Variants in HTN1 observed in about 807,000 individuals in gnomAD.
The protein encoded by HTN1 is histatin-1.
Under a neutral mutation model 11.2 loss-of-function variants are expected in HTN1, and 18 were observed. That is an observed-to-expected ratio of 1.61 (90% CI 1.12 to 2.39). The LOEUF (loss-of-function observed/expected upper bound fraction) is 2.39, where lower values mean the gene tolerates loss of function less well. HTN1 is among the 30% of genes most tolerant of loss of function. HTN1 has a pLI of 0.00. For missense variants in HTN1, 80 were observed against 67.2 expected (o/e 1.19, Z -0.67); for synonymous variants, 21 against 20.5 (o/e 1.02, Z -0.07).
chr4:70,051,446 C>A (rs1725890812), intron 1 of HTN1, among the ~76,000 whole-genome samples: 1 of 152,010 alleles, frequency 6.6e-6, no homozygotes, highest in African/African-American at 2.4e-5. Flanking sequence ...TTTTTCATAA[C>A]CATTAATTGT....
intron 3 of HTN1, 38 bp downstream of exon 3, chr4:70,054,380 A>G (rs1725981185): frequency 6.5e-7 from 1 of 1,534,966 alleles, no homozygotes; most frequent in Admixed American, 1.8e-5. Flanking sequence ...TTGATAAATA[A>G]ACATATATTG....
intron 5 of HTN1, chr4:70,056,120 G>A (rs1726034424): frequency 6.6e-6 from 1 of 152,038 alleles, no homozygotes; most frequent in Admixed American, 6.6e-5. Context: ...TTATTTCCTT[G>A]AGCAGTGGTT....
In HTN1 at chr4:70,054,346, A is replaced by T; in HGVS notation, c.72+4A>T. 6.5e-7 allele frequency: 1 copy of T among 1,533,538 alleles called. No individual in the cohort carries two copies. Among genetic ancestry groups the T allele is most frequent in the Non-Finnish European group, 8.9e-7 (1 of 1,125,972 alleles). The allele number at this position is 1,533,538 out of a possible 1,614,324, so 95.0% of individuals were successfully genotyped here. A position where few individuals can be genotyped will look rare whatever the true frequency, so the allele number is the denominator to read the frequency against. The stretch of plus-strand genomic sequence containing the variant: ...GAGCGCTGATTCACATGAAAAGGTA[A>T]GACATTTTCATTTACGGGAAAACTT... On this transcript the variant is annotated splice_donor_region_variant and intron_variant, in intron 3 of 5. Transcript: ENST00000246896.
At chr4:70,053,376 C>T (rs1270978378) in intron 2 of HTN1, among the ~76,000 whole-genome samples, 3 of 152,012 alleles carry the variant, frequency 2.0e-5, no homozygotes, top group Admixed American at 6.6e-5. Context: ...GAAAATTTAG[C>T]GAGCTTTTTA....
At chr4:70,053,634 G>T (rs1018581975) in intron 2 of HTN1, among the ~76,000 whole-genome samples, 2 of 152,188 alleles carry the variant, frequency 1.3e-5, no homozygotes, top group Middle Eastern at 3.4e-3. Flanking sequence ...TATTTATTAA[G>T]TGTCATGAGT....
At chr4:70,050,731 A>C (rs757218835) in intron 1 of HTN1, among the ~76,000 whole-genome samples, 1 of 152,178 alleles carries the variant, frequency 6.6e-6, no homozygotes, top group Non-Finnish European at 1.5e-5. Context: ...ATTTCCTTTA[A>C]AAACTCACAC....
At position 70,053,089 on chromosome 4, in the gene HTN1, G is replaced by A; in HGVS notation, c.13G>A (p.Val5Ile). The change falls in exon 2 of 6, where the codon GTC becomes ATC. Residue 5 changes from valine to isoleucine, a missense_variant. Physicochemically the swap from Val to Ile is conservative, Grantham distance 29. Transcript: ENST00000246896. MKFF[V>I]FALVLALMIS... is the part of the protein sequence containing the mutation. ...GACTCAGCCAACTATGAAGTTTTTT[G>A]TCTTTGCTTTAGTCTTGGCTCTCAT... is the stretch of plus-strand genomic sequence containing the variant. 6.2e-7 allele frequency: 1 copy of A among 1,609,308 alleles called. No individual in the cohort carries two copies. The highest frequency in any genetic ancestry group is 8.5e-7 in the Non-Finnish European group (1 of 1,176,046).
At position 70,052,234 on chromosome 4, in the gene HTN1, A is replaced by G. The variant is rs189961407; in HGVS notation, c.-13-830A>G. On this transcript the variant is annotated intron_variant, in intron 1 of 5. Transcript: ENST00000246896. Reference sequence around the variant, plus strand: ...CCAATATCACTAATGTTCTAATCTCAGGGTTACACCATCTGTGGATTCTGT... The same window carrying G: ...CCAATATCACTAATGTTCTAATCTCGGGGTTACACCATCTGTGGATTCTGT... Among the ~76,000 whole-genome samples, 258 of 152,272 alleles carry G rather than the reference A, an allele frequency of 1.7e-3. 1 individual carries two copies. Among genetic ancestry groups the G allele is most frequent in the African/African-American group, 4.1e-3 (172 of 41,566 alleles).
At chr4:70,057,930 A>G (rs1000850181) in intron 5 of HTN1, 2 of 152,210 alleles carry the variant, frequency 1.3e-5, no homozygotes, top group Non-Finnish European at 2.9e-5. Flanking sequence ...CTAATATAAC[A>G]TCAACAAGGA....
intron 5 of HTN1, 34 bp downstream of exon 5, chr4:70,055,636 G>GTGTCAACACTGACACTTTAAAAAC (rs1726021110): frequency 1.0e-6 from 1 of 958,334 alleles, no homozygotes. Context: ...CTTTCTAGAA[G>GTGTCAACACTGACACTTTAAAAAC]TGTCAACACT....
Position 70,052,985 on chromosome 4 carries a change from C to A in HTN1, c.-13-79C>A, listed in dbSNP as rs1407813774. 72 of 855,650 alleles carry A rather than the reference C, an allele frequency of 8.4e-5. No homozygotes were observed. In the East Asian group the frequency reaches 1.6e-3, roughly 20 times the overall value. 53.0% of individuals were successfully genotyped at this position (855,650 alleles called of 1,614,324 possible). Reference sequence around the variant, plus strand: ...GAGCATGTCTCCCAATGCTTTGAAGCATAGTGTCATCAATAGAAGTTTGAT... The same window carrying A: ...GAGCATGTCTCCCAATGCTTTGAAGAATAGTGTCATCAATAGAAGTTTGAT... On this transcript the variant is annotated intron_variant, in intron 1 of 5. Coordinates refer to ENST00000246896, the MANE Select transcript of HTN1 (RefSeq NM_002159.4).
intron 5 of HTN1, chr4:70,056,762 T>C (rs1726053404): frequency 6.6e-6 from 1 of 152,114 alleles, no homozygotes; most frequent in African/African-American, 2.4e-5. Flanking sequence ...AAGACATTCA[T>C]GCAGCCAACA....
chr4:70,051,764 G>C (rs1277606743), intron 1 of HTN1, among the ~76,000 whole-genome samples: 1 of 152,086 alleles, frequency 6.6e-6, no homozygotes, highest in Admixed American at 6.6e-5. Context: ...TGCTTTTCAT[G>C]ATAGAGATGT....
At chr4:70,056,417 C>T (rs531241015) in intron 5 of HTN1, 1 of 152,188 alleles carries the variant, frequency 6.6e-6, no homozygotes, top group South Asian at 2.1e-4. Flanking sequence ...AAATGTAATA[C>T]CCCAAACCAT....
intron 1 of HTN1, among the ~76,000 whole-genome samples, chr4:70,051,199 T>C (rs1725883194): frequency 6.6e-6 from 1 of 152,172 alleles, no homozygotes; most frequent in Admixed American, 6.5e-5. Context: ...TATATTATTA[T>C]AAAGGTTTAT....
intron 1 of HTN1, 53 bp from the exon 2 acceptor site, chr4:70,053,011 G>A: frequency 9.4e-7 from 1 of 1,063,166 alleles, no homozygotes; most frequent in Admixed American, 1.7e-5. Flanking sequence ...GAAGTTTGAT[G>A]AATGAATGCA....
rs139757678 is a variant in HTN1 at position 70,054,344 on chromosome 4, T to C, written c.72+2T>C. The C allele has an allele frequency of 1.9e-4, 296 of 1,534,592 alleles. 1 individual carries two copies. The highest frequency in any genetic ancestry group is 2.4e-4 in the Non-Finnish European group (268 of 1,127,222). On this transcript the variant is annotated splice_donor_variant, in intron 3 of 5. Coordinates refer to ENST00000246896, the MANE Select transcript of HTN1 (RefSeq NM_002159.4). LOFTEE classifies it high-confidence loss of function. ...AAGAGCGCTGATTCACATGAAAAGGTAAGACATTTTCATTTACGGGAAAAC... is the reference window on the plus strand; with the variant it reads ...AAGAGCGCTGATTCACATGAAAAGGCAAGACATTTTCATTTACGGGAAAAC...
intron 1 of HTN1, among the ~76,000 whole-genome samples, chr4:70,051,641 A>C (rs1725896544): frequency 6.6e-6 from 1 of 152,120 alleles, no homozygotes; most frequent in South Asian, 2.1e-4. Flanking sequence ...GTAATAGAAA[A>C]ACTTCAAAAT....
intron 2 of HTN1, among the ~76,000 whole-genome samples, chr4:70,053,514 T>C (rs1316353366): frequency 6.6e-6 from 1 of 152,110 alleles, no homozygotes; most frequent in African/African-American, 2.4e-5. Flanking sequence ...GGTGTCAAAA[T>C]AGGAATTTTC....
Sources: allele counts gnomAD v4.1 joint callset (sites outside exome capture counted in the v4.1 genomes callset), GRCh38; gene constraint gnomAD v4.1.1; transcripts MANE v1.5; gene names NCBI Gene and HGNC (gene_info 2026-07-23, HGNC 2026-07-21).